The following ZFHX3 variants were observed in gnomAD, a reference collection of about 807,000 sequenced individuals.
ZFHX3 encodes the protein zinc finger homeobox 3.
ZFHX3 carries 42 observed loss-of-function variants against 279.1 expected under a neutral mutation model. The ratio of observed to expected loss-of-function variants is 0.15; its 90% CI spans 0.12 to 0.19. The LOEUF (loss-of-function observed/expected upper bound fraction) is 0.19. Ranked by LOEUF, ZFHX3 falls within the 10% of genes least tolerant of loss-of-function variation. The pLI, the probability that ZFHX3 is intolerant of heterozygous loss-of-function variation, is 1.00. For missense variants in ZFHX3, 4,981 were observed against 4,754.0 expected (o/e 1.05, Z -1.40); for synonymous variants, 2,293 against 1,957.8 (o/e 1.17, Z -4.52).
intron 1 of ZFHX3, among the ~76,000 whole-genome samples, chr16:73,876,955 T>G (rs2029967912): frequency 6.6e-6 from 1 of 151,978 alleles, no homozygotes; most frequent in Admixed American, 6.6e-5. Flanking sequence ...GAAGCCAATT[T>G]GGACTTACTA....
chr16:73,385,266 G>A (rs1447980328), intron 3 of ZFHX3, among the ~76,000 whole-genome samples: 1 of 151,830 alleles, frequency 6.6e-6, no homozygotes, highest in Non-Finnish European at 1.5e-5. Context: ...TTTGTGCTTT[G>A]CAATTGAAAA....
intron 5 of ZFHX3, among the ~76,000 whole-genome samples, chr16:73,182,089 C>G (rs1013143278): frequency 3.9e-5 from 6 of 152,182 alleles, no homozygotes; most frequent in African/African-American, 1.4e-4. Flanking sequence ...AATCTTCTGA[C>G]CTTTTCCTCA....
intron 5 of ZFHX3, among the ~76,000 whole-genome samples, chr16:73,215,302 T>C (rs1478426330): frequency 6.6e-6 from 1 of 152,158 alleles, no homozygotes; most frequent in African/African-American, 2.4e-5. Flanking sequence ...TTGTTCTCTC[T>C]ACCCATTTTT....
chr16:73,548,168 A>G (rs2020150955), intron 2 of ZFHX3, among the ~76,000 whole-genome samples: 1 of 152,246 alleles, frequency 6.6e-6, no homozygotes, highest in African/African-American at 2.4e-5. Context: ...AAATATAGCC[A>G]GAGGAAAAGA....
At chr16:73,472,268 TA>T (rs199783028) in intron 2 of ZFHX3, among the ~76,000 whole-genome samples, 5,979 of 132,348 alleles carry the variant, frequency 0.045, 299 homozygotes, top group African/African-American at 0.13. Flanking sequence ...TTTTAAATCT[TA>T]AAAAAAAAAA....
chr16:72,978,927 C>T (rs1818117491), intron 1 of ZFHX3, among the ~76,000 whole-genome samples: 1 of 152,196 alleles, frequency 6.6e-6, no homozygotes, highest in South Asian at 2.1e-4. Context: ...CTGGTCCTCA[C>T]CTAACCCTCT....
At chr16:73,891,360 C>A (rs931078866) in intron 1 of ZFHX3, among the ~76,000 whole-genome samples, 1 of 151,948 alleles carries the variant, frequency 6.6e-6, no homozygotes, top group Non-Finnish European at 1.5e-5. Context: ...GTGTCAGCAA[C>A]GCGGCCCAGG....
intron 1 of ZFHX3, among the ~76,000 whole-genome samples, chr16:73,841,481 G>T (rs922157792): frequency 1.3e-5 from 2 of 152,052 alleles, no homozygotes; most frequent in Admixed American, 6.5e-5. Context: ...TGGGAGATCG[G>T]CATGACCAAG....
chr16:73,607,597 G>A (rs192634112), intron 2 of ZFHX3, among the ~76,000 whole-genome samples: 154 of 152,064 alleles, frequency 1.0e-3, no homozygotes, highest in African/African-American at 3.5e-3. Flanking sequence ...TCCAACGAGG[G>A]AACAAATGTG....
chr16:73,609,032 C>T (rs1347701255), intron 2 of ZFHX3: 2 of 152,152 alleles, frequency 1.3e-5, no homozygotes, highest in East Asian at 1.9e-4. Flanking sequence ...TACTCATAAA[C>T]TTTGTAACAA....
chr16:73,498,099 G>C (rs913248986), intron 2 of ZFHX3, among the ~76,000 whole-genome samples: 6 of 152,224 alleles, frequency 3.9e-5, no homozygotes, highest in African/African-American at 9.6e-5. Flanking sequence ...ACATTGAGTT[G>C]TGAGTTCCTT....
intron 3 of ZFHX3, among the ~76,000 whole-genome samples, chr16:72,903,606 T>C (rs1385297318): frequency 2.0e-5 from 3 of 152,092 alleles, no homozygotes; most frequent in Non-Finnish European, 4.4e-5. Context: ...CCACCACCCA[T>C]CTGCTCCAGA....
intron 1 of ZFHX3, among the ~76,000 whole-genome samples, chr16:73,795,741 T>C (rs1008863698): frequency 2.6e-5 from 4 of 152,140 alleles, no homozygotes; most frequent in Admixed American, 6.5e-5. Flanking sequence ...AGAATTGCAT[T>C]CAGAATTTCA....
chr16:73,401,416 C>T (rs906802520), intron 3 of ZFHX3: 5 of 58,358 alleles, frequency 8.6e-5, no homozygotes, highest in African/African-American at 2.3e-4. Context: ...ACCTCAAAAG[C>T]CCAGAGGACT....
intron 3 of ZFHX3, among the ~76,000 whole-genome samples, chr16:72,908,062 C>G (rs1338321970): frequency 6.6e-6 from 1 of 152,166 alleles, no homozygotes; most frequent in African/African-American, 2.4e-5. Context: ...CCTTTCTCCT[C>G]TGAACTCCAA....
intron 5 of ZFHX3, among the ~76,000 whole-genome samples, chr16:72,828,225 A>G (rs974452915): frequency 7.9e-5 from 12 of 152,200 alleles, no homozygotes; most frequent in Admixed American, 1.3e-4. Context: ...CAAAAACAAA[A>G]GTATTGTAAT....
chr16:73,188,403 T>C (rs778121511), intron 5 of ZFHX3, among the ~76,000 whole-genome samples: 18 of 152,282 alleles, frequency 1.2e-4, no homozygotes, highest in Non-Finnish European at 2.4e-4. Flanking sequence ...CATTTCAAAA[T>C]AGAGAAGGAG....
At chr16:73,349,638 C>T (rs1478937959) in intron 3 of ZFHX3, among the ~76,000 whole-genome samples, 28 of 91,468 alleles carry the variant, frequency 3.1e-4, no homozygotes, top group African/African-American at 1.3e-3. Flanking sequence ...CCCTCCCTCC[C>T]TCCCTCCCTC....
At chr16:73,581,766 G>C (rs1360892734) in intron 2 of ZFHX3, among the ~76,000 whole-genome samples, 1 of 146,278 alleles carries the variant, frequency 6.8e-6, no homozygotes, top group Non-Finnish European at 1.5e-5. Flanking sequence ...CACCTCCCGG[G>C]TTCAACCGAT....
Sources: gnomAD v4.1 joint callset for allele counts (sites outside exome capture counted in the v4.1 genomes callset) on GRCh38, gnomAD v4.1.1 for gene constraint, MANE v1.5 for transcripts, NCBI Gene and HGNC (gene_info 2026-07-23, HGNC 2026-07-21) for gene names.